PRORP: variants seen among roughly 807,000 people sequenced by gnomAD.
PRORP encodes mitochondrial ribonuclease P catalytic subunit.
Under a neutral mutation model 59.4 loss-of-function variants are expected in PRORP, and 51 were observed. That is an observed-to-expected ratio of 0.86 (90% CI 0.69 to 1.08). The LOEUF (loss-of-function observed/expected upper bound fraction) is 1.08, where lower values mean the gene tolerates loss of function less well. Among genes scored for constraint, PRORP ranks in the 50% least tolerant of loss-of-function variants. The pLI, the probability that PRORP is intolerant of heterozygous loss-of-function variation, is 0.00. For synonymous variants in PRORP, 231 were observed against 245.6 expected, an observed-to-expected ratio of 0.94 and a Z score of 0.55; for missense variants, 646 against 690.3, an observed-to-expected ratio of 0.94 and a Z score of 0.72.
At chr14:35,204,119 A>G (rs141994720) in intron 5 of PRORP, among the ~76,000 whole-genome samples, 133 of 152,330 alleles carry the variant, frequency 8.7e-4, no homozygotes, top group African/African-American at 3.1e-3. Flanking sequence ...TTGTATTCTT[A>G]GGTAATACTC....
At chr14:35,245,050 C>G (rs927063844) in intron 5 of PRORP, among the ~76,000 whole-genome samples, 1 of 152,172 alleles carries the variant, frequency 6.6e-6, no homozygotes, top group African/African-American at 2.4e-5. Context: ...GCTAGTCTTA[C>G]AAAACAGAGG....
At chr14:35,178,879 C>T (rs998736235) in intron 4 of PRORP, among the ~76,000 whole-genome samples, 4 of 152,074 alleles carry the variant, frequency 2.6e-5, no homozygotes, top group African/African-American at 4.8e-5. Context: ...TGGCTGGTAC[C>T]GGTTGTATCT....
chr14:35,172,796 G>A (rs970649583), intron 4 of PRORP, among the ~76,000 whole-genome samples: 31 of 151,758 alleles, frequency 2.0e-4, no homozygotes, highest in African/African-American at 5.6e-4. Context: ...TTGATCTCTT[G>A]ACCTCGTGAT....
chr14:35,167,170 C>G (rs1228682810), intron 4 of PRORP, among the ~76,000 whole-genome samples: 1 of 152,170 alleles, frequency 6.6e-6, no homozygotes, highest in East Asian at 1.9e-4. Flanking sequence ...ATTTGCCTAA[C>G]TCTCCTGCCT....
intron 5 of PRORP, among the ~76,000 whole-genome samples, chr14:35,244,140 C>T (rs756966199): frequency 1.6e-4 from 24 of 152,154 alleles, no homozygotes; most frequent in Non-Finnish European, 3.1e-4. Context: ...CCAAGAAAAG[C>T]AGAAGTAAGG....
At chr14:35,208,300 G>T (rs1382104279) in intron 5 of PRORP, among the ~76,000 whole-genome samples, 2 of 152,056 alleles carry the variant, frequency 1.3e-5, no homozygotes, top group Admixed American at 6.6e-5. Context: ...TTTTAGCTGG[G>T]CATAGTGGTG....
At chr14:35,257,355 C>T (rs1470997041) in intron 5 of PRORP, among the ~76,000 whole-genome samples, 1 of 152,110 alleles carries the variant, frequency 6.6e-6, no homozygotes, top group African/African-American at 2.4e-5. Flanking sequence ...AACAATAGCT[C>T]CTCATTCTCC....
intron 2 of PRORP, among the ~76,000 whole-genome samples, chr14:35,126,317 A>C (rs2047096595): frequency 6.6e-6 from 1 of 152,196 alleles, no homozygotes; most frequent in Non-Finnish European, 1.5e-5. Flanking sequence ...TGTTTTATAA[A>C]ATCTATTATG....
intron 5 of PRORP, among the ~76,000 whole-genome samples, chr14:35,212,411 A>G (rs2049472176): frequency 6.6e-6 from 1 of 152,212 alleles, no homozygotes; most frequent in African/African-American, 2.4e-5. Flanking sequence ...CTATAGCCTT[A>G]TGAAATGTAT....
chr14:35,212,513 C>T (rs1029714363), intron 5 of PRORP, among the ~76,000 whole-genome samples: 6 of 152,178 alleles, frequency 3.9e-5, no homozygotes, highest in Admixed American at 1.3e-4. Flanking sequence ...AAACAGCATT[C>T]ATCTCCTTGT....
chr14:35,173,870 G>A (rs1007558838), intron 4 of PRORP, among the ~76,000 whole-genome samples: 11 of 151,942 alleles, frequency 7.2e-5, no homozygotes, highest in Non-Finnish European at 1.5e-4. Flanking sequence ...TAGGGGCTGG[G>A]GGTCATCTTG....
Position 35,141,130 on chromosome 14 carries a change from C to G in PRORP, c.1167+13519C>G, listed in dbSNP as rs965915003. Among the ~76,000 whole-genome samples the G allele has an allele frequency of 1.4e-5, 2 of 145,758 alleles. 1 individual carries two copies. The highest frequency in any genetic ancestry group is 3.0e-5 in the Non-Finnish European group (2 of 65,602). On this transcript the variant is annotated intron_variant, in intron 4 of 7. Transcript: ENST00000534898. ...GCATCTACTGATTTAACTACTGACACTAATTGAGTGGGCATCAGTGAAGGT... is the reference window on the plus strand; with the variant it reads ...GCATCTACTGATTTAACTACTGACAGTAATTGAGTGGGCATCAGTGAAGGT...
intron 5 of PRORP, among the ~76,000 whole-genome samples, chr14:35,241,824 C>G (rs1256944489): frequency 6.6e-6 from 1 of 152,134 alleles, no homozygotes; most frequent in African/African-American, 2.4e-5. Context: ...CTCATTTGTG[C>G]CTTTGCATTT....
chr14:35,246,370 T>G (rs556243537), intron 5 of PRORP, among the ~76,000 whole-genome samples: 1 of 152,190 alleles, frequency 6.6e-6, no homozygotes, highest in East Asian at 1.9e-4. Context: ...AAAAGCAATA[T>G]GTAACTGAGG....
At chr14:35,239,775 G>T (rs1372162300) in intron 5 of PRORP, among the ~76,000 whole-genome samples, 1 of 152,064 alleles carries the variant, frequency 6.6e-6, no homozygotes, top group Non-Finnish European at 1.5e-5. Context: ...GGCCTCTATA[G>T]AATAAATTAG....
intron 5 of PRORP, among the ~76,000 whole-genome samples, chr14:35,242,857 G>C (rs532808028): frequency 6.6e-6 from 1 of 152,316 alleles, no homozygotes; most frequent in East Asian, 1.9e-4. Context: ...AGGAGAAAGA[G>C]CTACTGTCCC....
intron 4 of PRORP, among the ~76,000 whole-genome samples, chr14:35,132,833 A>G (rs2047282235): frequency 6.6e-6 from 1 of 151,780 alleles, no homozygotes; most frequent in Non-Finnish European, 1.5e-5. Context: ...AGCAAAGCAA[A>G]GGAAAGGGAA....
intron 5 of PRORP, among the ~76,000 whole-genome samples, chr14:35,216,183 T>C (rs1024270294): frequency 3.4e-5 from 4 of 115,984 alleles, no homozygotes; most frequent in Non-Finnish European, 7.5e-5. Flanking sequence ...GAGAGAGAGA[T>C]AGTTTTAACA....
At chr14:35,231,833 A>G (rs1240509821) in intron 5 of PRORP, among the ~76,000 whole-genome samples, 1 of 152,232 alleles carries the variant, frequency 6.6e-6, no homozygotes, top group South Asian at 2.1e-4. Context: ...ATTCAATCTA[A>G]GGAACTTTAG....
Sources: gnomAD v4.1 joint callset for allele counts (sites outside exome capture counted in the v4.1 genomes callset) on GRCh38, gnomAD v4.1.1 for gene constraint, MANE v1.5 for transcripts, NCBI Gene and HGNC (gene_info 2026-07-23, HGNC 2026-07-21) for gene names.